Variants in SCUBE2 observed in about 807,000 individuals in gnomAD.
The protein encoded by SCUBE2 is signal peptide, CUB domain and EGF like domain containing 2, also known as signal peptide, CUB and EGF-like domain-containing protein 2.
SCUBE2 carries 114 observed loss-of-function variants against 125.9 expected under a neutral mutation model. The ratio of observed to expected loss-of-function variants is 0.91; its 90% CI spans 0.78 to 1.06. SCUBE2 has a LOEUF of 1.06. Among genes scored for constraint, SCUBE2 ranks in the 50% least tolerant of loss-of-function variants. SCUBE2 has a pLI of 0.00. For missense variants in SCUBE2, 1,255 were observed against 1,301.8 expected (o/e 0.96, Z 0.55); for synonymous variants, 459 against 492.9 (o/e 0.93, Z 0.91).
chr11:9,029,804 C>T (rs1351356801), intron 19 of SCUBE2, 80 bp downstream of exon 19: 1 of 1,501,212 alleles, frequency 6.7e-7, no homozygotes, highest in African/African-American at 1.4e-5. Flanking sequence ...GGACCTCTGC[C>T]CCGTGCCCCC....
intron 17 of SCUBE2, among the ~76,000 whole-genome samples, chr11:9,033,188 G>A (rs755222612): frequency 5.9e-5 from 9 of 152,184 alleles, no homozygotes; most frequent in Non-Finnish European, 1.0e-4. Context: ...CTTCACAGAG[G>A]AGGTCCCAGT....
intron 2 of SCUBE2, among the ~76,000 whole-genome samples, chr11:9,084,710 A>T (rs1861917749): frequency 1.3e-5 from 2 of 152,068 alleles, no homozygotes; most frequent in African/African-American, 4.8e-5. Context: ...CATAACCTCA[A>T]TTTTATCATG....
intron 2 of SCUBE2, 28 bp downstream of exon 2, chr11:9,089,679 C>T (rs372002537): frequency 3.1e-6 from 5 of 1,609,346 alleles, no homozygotes; most frequent in African/African-American, 2.7e-5. Context: ...TCCCTACAGT[C>T]CCCCCACATG....
At chr11:9,056,322 C>T (rs571168885) in intron 9 of SCUBE2, among the ~76,000 whole-genome samples, 31 of 152,320 alleles carry the variant, frequency 2.0e-4, no homozygotes, top group African/African-American at 6.5e-4. Context: ...TTATTAACTA[C>T]GGCAAATTGA....
intron 16 of SCUBE2, among the ~76,000 whole-genome samples, chr11:9,041,459 A>T (rs1857235538): frequency 6.6e-6 from 1 of 152,230 alleles, no homozygotes. Flanking sequence ...AACCGGAACC[A>T]GCATTGAAAA....
At chr11:9,026,632 G>A (rs982837804) in intron 20 of SCUBE2, 3 of 151,724 alleles carry the variant, frequency 2.0e-5, no homozygotes, top group Non-Finnish European at 4.4e-5. Flanking sequence ...AAAATGTATA[G>A]AGACAGGGTC....
At chr11:9,075,296 A>T (rs79841773) in intron 3 of SCUBE2, among the ~76,000 whole-genome samples, 5,713 of 152,194 alleles carry the variant, frequency 0.038, 336 homozygotes, top group African/African-American at 0.13. Context: ...TAAGGTATAA[A>T]AGGTGGTACC....
At chr11:9,039,347 C>T (rs1201284657) in intron 16 of SCUBE2, among the ~76,000 whole-genome samples, 5 of 152,166 alleles carry the variant, frequency 3.3e-5, no homozygotes, top group Admixed American at 6.5e-5. Context: ...GATTTGCACA[C>T]GGACTGGATG....
At chr11:9,058,594 T>TGAAAAA (rs1564827125) in intron 9 of SCUBE2, among the ~76,000 whole-genome samples, 1 of 35,254 alleles carries the variant, frequency 2.8e-5, no homozygotes, top group African/African-American at 1.4e-4. Context: ...AGACTCTGTC[T>TGAAAAA]CAAAAAAAAA....
chr11:9,019,896 A>T lies in SCUBE2; in HGVS notation c.*1149T>A, dbSNP rs1348871006. Among the ~76,000 whole-genome samples the T allele has an allele frequency of 1.3e-5, 2 of 152,216 alleles. No homozygotes were observed. The highest frequency in any genetic ancestry group is 2.9e-5 in the Non-Finnish European group (2 of 68,044). On this transcript the variant is annotated 3_prime_UTR_variant, in exon 23 of 23. Transcript: ENST00000649792. ...TTTAAATGTTTAAAGATTCAATAAC[A>T]CTGAAAATTCAAGTTCAAGAAATGA...
intron 19 of SCUBE2, 120 bp downstream of exon 19, chr11:9,029,764 A>G: frequency 9.0e-7 from 1 of 1,110,092 alleles, no homozygotes; most frequent in Non-Finnish European, 1.3e-6. Context: ...AGCTGGGCTC[A>G]TAACATCTAC....
chr11:9,025,431 G>T (rs1330999212), intron 21 of SCUBE2: 10 of 328,902 alleles, frequency 3.0e-5, no homozygotes, highest in African/African-American at 1.9e-4. Context: ...AGAAATCATA[G>T]CCAGGCTAAT....
rs765209408 is a variant in SCUBE2, at chr11:9,053,192, T to G, written c.1354A>C (p.Ser452Arg). ...CVEVKGLLPT[S>R]VSPRVSLHCG... ...TGCAGGGACACACGGGGTGACACAC[T>G]TGTGGGCAGGAGCCCCTTCACTTCT... Residue 452 changes from serine to arginine, a missense_variant, in exon 12 of 23, where the codon AGT (serine) becomes CGT (arginine). By Grantham distance (110) the Ser-to-Arg change is moderately radical. Around this residue, in one of 3 missense-constraint regions of SCUBE2, gnomAD observed 378 missense variants for 463.1 expected, o/e 0.82. Transcript: ENST00000649792. 2.5e-6 allele frequency: 4 copies of G among 1,614,026 alleles called. No individual in the cohort carries two copies. The highest frequency in any genetic ancestry group is 2.5e-6 in the Non-Finnish European group (3 of 1,180,008).
At position 9,062,191 on chromosome 11, in the gene SCUBE2, C is replaced by G. The variant is rs560607035; in HGVS notation, c.851-1667G>C. The stretch of plus-strand genomic sequence containing the variant: ...CCTCTTCCCCCAACTCCTTCAGCTC[C>G]CTACTGGCAGATTTAAAGCCATTGA... On this transcript the variant is annotated intron_variant, in intron 7 of 22. Transcript: ENST00000649792. 4.6e-5 allele frequency among the ~76,000 whole-genome samples: 7 copies of G among 152,248 alleles called. No homozygotes were observed. In the South Asian group the frequency reaches 1.5e-3, roughly 32 times the overall value.
At chr11:9,066,216 CAA>C (rs1860214381) in intron 6 of SCUBE2, among the ~76,000 whole-genome samples, 1 of 152,174 alleles carries the variant, frequency 6.6e-6, no homozygotes, top group African/African-American at 2.4e-5. Context: ...TTGCACTGAC[CAA>C]AGAGACACTA....
intron 2 of SCUBE2, among the ~76,000 whole-genome samples, chr11:9,086,114 G>A (rs553552833): frequency 3.9e-5 from 6 of 152,298 alleles, no homozygotes; most frequent in South Asian, 2.1e-4. Flanking sequence ...GATTACAGGC[G>A]TGAGCCAATT....
At chr11:9,065,794 T>G in intron 7 of SCUBE2, 97 bp downstream of exon 7, 1 of 1,005,652 alleles carries the variant, frequency 9.9e-7, no homozygotes, top group Non-Finnish European at 1.6e-6. Context: ...CCAGCTGGTC[T>G]GAGGGCATGT....
rs75625848 is a variant in SCUBE2, at chr11:9,081,910, T to C, written c.257-2401A>G. Among the ~76,000 whole-genome samples the C allele has an allele frequency of 3.4e-4, 52 of 152,360 alleles. No individual in the cohort carries two copies. In the East Asian group the frequency reaches 7.7e-3, roughly 23 times the overall value. On this transcript the variant is annotated intron_variant, in intron 2 of 22. Transcript: ENST00000649792. ...AAAATTTTTTGAGGAACTTCCACAC[T>C]GTTTTCCATAGTGGCTATACCATTT...
At chr11:9,068,307 A>G (rs1046962158) in intron 5 of SCUBE2, among the ~76,000 whole-genome samples, 3 of 152,204 alleles carry the variant, frequency 2.0e-5, no homozygotes, top group African/African-American at 7.2e-5. Context: ...ATGAATTGCC[A>G]GTGGTTTCCT....
Sources: allele counts gnomAD v4.1 joint callset (sites outside exome capture counted in the v4.1 genomes callset), GRCh38; gene constraint gnomAD v4.1.1; regional missense constraint gnomAD v4.1.1; transcripts MANE v1.5; gene names NCBI Gene and HGNC (gene_info 2026-07-23, HGNC 2026-07-21).